Variants in AGXT2 observed in about 807,000 individuals in gnomAD.
AGXT2 encodes the protein alanine--glyoxylate aminotransferase 2, mitochondrial.
AGXT2 carries 61 observed loss-of-function variants against 62.5 expected under a neutral mutation model. The ratio of observed to expected loss-of-function variants is 0.98; its 90% CI spans 0.79 to 1.21. The LOEUF is 1.21. AGXT2 is among the 50% of genes most tolerant of loss of function. AGXT2 has a pLI of 0.00. For synonymous variants in AGXT2, 243 were observed against 218.7 expected (o/e 1.11, Z -0.98); for missense variants, 666 against 641.5 (o/e 1.04, Z -0.41).
intron 6 of AGXT2, 119 bp downstream of exon 6, chr5:35,033,341 G>A (rs1410275999): frequency 7.5e-6 from 6 of 804,578 alleles, no homozygotes; most frequent in African/African-American, 5.1e-5. Context: ...GTCAAATTGA[G>A]CCCCTGATTA....
intron 9 of AGXT2, among the ~76,000 whole-genome samples, chr5:35,021,183 A>G (rs1164520092): frequency 6.6e-6 from 1 of 152,220 alleles, no homozygotes; most frequent in Non-Finnish European, 1.5e-5. Flanking sequence ...CATCCCCATC[A>G]AGCTACCAAT....
At chr5:35,035,688 C>T (rs1035343277) in intron 4 of AGXT2, among the ~76,000 whole-genome samples, 8 of 152,152 alleles carry the variant, frequency 5.3e-5, no homozygotes, top group Admixed American at 2.0e-4. Context: ...ACCCAGTCAC[C>T]TGATTCTAAA....
At chr5:35,037,612 G>T (rs998304086) in intron 3 of AGXT2, among the ~76,000 whole-genome samples, 3 of 151,746 alleles carry the variant, frequency 2.0e-5, no homozygotes, top group Admixed American at 1.3e-4. Flanking sequence ...CTATTCACAG[G>T]CACAATCATA....
rs1393450109 is a variant in AGXT2 at position 35,047,836 on chromosome 5, G to T, written c.57C>A (p.Pro19=). 1 of 1,614,068 alleles carries T rather than the reference G, an allele frequency of 6.2e-7. No individual in the cohort carries two copies. Among genetic ancestry groups the T allele is most frequent in the South Asian group, 1.1e-5 (1 of 91,074 alleles). The stretch of plus-strand genomic sequence containing the variant: ...GGAAAGGATGCATCTCAAGGATCCT[G>T]GGAGCGGAAGTGACCAGGCACAAGG... ...LRPLCLVTSA[P]RILEMHPFLS... The change falls in exon 1 of 14, where the codon CCC becomes CCA. Residue 19 remains proline (P), a synonymous_variant. Coordinates refer to ENST00000231420, the MANE Select transcript of AGXT2 (RefSeq NM_031900.4).
intron 9 of AGXT2, among the ~76,000 whole-genome samples, chr5:35,023,964 G>A (rs1221138399): frequency 1.3e-5 from 2 of 151,884 alleles, no homozygotes; most frequent in Non-Finnish European, 2.9e-5. Context: ...CATGATCTTG[G>A]CTCATTGCAA....
chr5:35,012,214 T>C (rs1766669820), intron 11 of AGXT2, among the ~76,000 whole-genome samples: 1 of 151,736 alleles, frequency 6.6e-6, no homozygotes, highest in African/African-American at 2.4e-5. Flanking sequence ...CCGACTTGTA[T>C]CCCAAAAGCT....
chr5:35,027,593 G>C (rs780176153), intron 7 of AGXT2, among the ~76,000 whole-genome samples: 3 of 151,806 alleles, frequency 2.0e-5, no homozygotes, highest in Non-Finnish European at 4.4e-5. Context: ...TGATAATTCT[G>C]TTATTTGAAA....
chr5:35,036,892 C>T (rs37368), intron 4 of AGXT2, 50 bp downstream of exon 4: 421,153 of 1,608,878 alleles, frequency 0.26, 55,618 homozygotes, highest in South Asian at 0.34. Context: ...GAGCATCATA[C>T]CTTTTTTTTT....
intron 3 of AGXT2, among the ~76,000 whole-genome samples, chr5:35,037,834 A>G (rs1767840498): frequency 6.6e-6 from 1 of 152,226 alleles, no homozygotes; most frequent in African/African-American, 2.4e-5. Context: ...CCAACCTTAC[A>G]GGATTAGAAG....
At chr5:35,046,387 T>C (rs963774072) in intron 1 of AGXT2, among the ~76,000 whole-genome samples, 1 of 152,178 alleles carries the variant, frequency 6.6e-6, no homozygotes, top group Non-Finnish European at 1.5e-5. Flanking sequence ...CAAAAGAAAC[T>C]CATGACCAAG....
rs199695004 is a variant in AGXT2, at chr5:35,002,778, G to GC, written c.1437+984_1437+985insG. 1.6e-3 allele frequency among the ~76,000 whole-genome samples: 174 copies of GC among 108,446 alleles called. 3 individuals carry two copies. The South Asian group carries it at 0.021, about 13-fold the overall frequency. The allele number at this position is 108,446 out of a possible 152,430, so 71.1% of individuals were successfully genotyped here. A position where few individuals can be genotyped will look rare whatever the true frequency, so the allele number is the denominator to read the frequency against. On this transcript the variant is annotated intron_variant, in intron 13 of 13. Transcript: ENST00000231420. Reference sequence around the variant, plus strand: ...TATGGCGCTTTGTGATAGCAGGCTGGGGGGGGGGACTAACACGGGAGGAAA... The same window carrying GC: ...TATGGCGCTTTGTGATAGCAGGCTGGCGGGGGGGGACTAACACGGGAGGAAA...
At chr5:35,032,678 C>T (rs936427338) in intron 7 of AGXT2, 54 bp downstream of exon 7, 22 of 1,440,804 alleles carry the variant, frequency 1.5e-5, no homozygotes, top group East Asian at 9.6e-5. Flanking sequence ...TGCCTTTATT[C>T]GTGTCCCTTC....
At chr5:35,033,575 A>G in intron 5 of AGXT2, 22 bp from the exon 6 acceptor site, 1 of 1,596,072 alleles carries the variant, frequency 6.3e-7, no homozygotes, top group Non-Finnish European at 8.6e-7. Flanking sequence ...AAACAACAGG[A>G]GGATGGGGTC....
At chr5:35,026,814 G>C (rs1042073450) in intron 7 of AGXT2, 29 of 979,672 alleles carry the variant, frequency 3.0e-5, no homozygotes, top group Admixed American at 6.2e-5. Context: ...AGCTGGTATA[G>C]ATAGCTGTTT....
chr5:35,016,607 G>A (rs1435563008), intron 9 of AGXT2, among the ~76,000 whole-genome samples: 1 of 152,038 alleles, frequency 6.6e-6, no homozygotes, highest in Admixed American at 6.6e-5. Context: ...ACCCACATAT[G>A]CTTAAGGTGG....
intron 1 of AGXT2, among the ~76,000 whole-genome samples, chr5:35,047,188 G>A (rs533548143): frequency 2.4e-4 from 37 of 152,166 alleles, no homozygotes; most frequent in Non-Finnish European, 4.3e-4. Context: ...CCTGCAATCC[G>A]AGCACTTTGA....
chr5:35,036,819 C>T (rs1477002417), intron 4 of AGXT2, 123 bp downstream of exon 4: 2 of 1,438,470 alleles, frequency 1.4e-6, no homozygotes, highest in South Asian at 1.2e-5. Flanking sequence ...AATTCCCTGC[C>T]CATGTCCCTG....
At chr5:35,030,828 C>A (rs1485165970) in intron 7 of AGXT2, among the ~76,000 whole-genome samples, 1 of 152,204 alleles carries the variant, frequency 6.6e-6, no homozygotes, top group Non-Finnish European at 1.5e-5. Flanking sequence ...GTGCATCAAA[C>A]TGATTTTAGT....
chr5:35,006,044 A>G (rs1304463996), intron 12 of AGXT2, among the ~76,000 whole-genome samples: 1 of 152,136 alleles, frequency 6.6e-6, no homozygotes, highest in Non-Finnish European at 1.5e-5. Context: ...GTCATTTAAT[A>G]ACGTTTGGCA....
Sources: allele counts gnomAD v4.1 joint callset (sites outside exome capture counted in the v4.1 genomes callset), GRCh38; gene constraint gnomAD v4.1.1; transcripts MANE v1.5; gene names NCBI Gene and HGNC (gene_info 2026-07-23, HGNC 2026-07-21).